ARID1B: variants seen among roughly 807,000 people sequenced by gnomAD.
The protein encoded by ARID1B is AT-rich interactive domain-containing protein 1B.
A neutral mutation model predicts 212.3 loss-of-function variants in ARID1B; 30 were observed. The ratio of observed to expected loss-of-function variants is 0.14; its 90% CI spans 0.11 to 0.19. ARID1B has a LOEUF of 0.19. ARID1B is among the 10% of genes least tolerant of loss of function. The pLI is 1.00. For synonymous variants in ARID1B, 1,402 were observed against 1,301.7 expected (o/e 1.08, Z -1.66); for missense variants, 2,891 against 3,204.0 (o/e 0.90, Z 2.36).
In ARID1B at chr6:156,777,741, G is replaced by C. The variant is rs1583021699; in HGVS notation, c.61G>C (p.Gly21Arg). 3.2e-6 allele frequency: 1 copy of C among 313,380 alleles called. No individual in the cohort carries two copies. The highest frequency in any genetic ancestry group is 1.2e-4 in the South Asian group (1 of 8,096). 19.4% of individuals were successfully genotyped at this position (313,380 alleles called of 1,614,324 possible). ...AAAARARARAGSGERRAPPGP... is the reference protein window; with the variant it reads ...AAAARARARARSGERRAPPGP... ...GGCGGCGCGGGCGCGGGCGCGGGCAGGCAGCGGCGAACGGCGGGCGCCCCC... is the reference window on the plus strand; with the variant it reads ...GGCGGCGCGGGCGCGGGCGCGGGCACGCAGCGGCGAACGGCGGGCGCCCCC... The change falls in exon 1 of 20, where the codon GGC becomes CGC. Residue 21 changes from glycine (G) to arginine (R), a missense_variant. By Grantham distance (125) the Gly-to-Arg change is moderately radical. Coordinates refer to ENST00000636930, the MANE Select transcript of ARID1B (RefSeq NM_001374828.1).
At chr6:156,943,816 C>T (rs1395919284) in intron 4 of ARID1B, 1 of 152,176 alleles carries the variant, frequency 6.6e-6, no homozygotes, top group African/African-American at 2.4e-5. Flanking sequence ...ACCATCGGGT[C>T]ATTGTAAAAA....
At chr6:156,925,185 A>G (rs1791120427) in intron 3 of ARID1B, among the ~76,000 whole-genome samples, 1 of 152,042 alleles carries the variant, frequency 6.6e-6, no homozygotes, top group South Asian at 2.1e-4. Context: ...GTTCCTCTAT[A>G]CTGAAGCCAG....
intron 6 of ARID1B, among the ~76,000 whole-genome samples, chr6:157,117,132 A>C (rs1787374281): frequency 6.6e-6 from 1 of 152,212 alleles, no homozygotes; most frequent in South Asian, 2.1e-4. Context: ...GCCATTACCC[A>C]GCAAAGTGTG....
At chr6:156,895,677 C>T (rs1582894941) in intron 2 of ARID1B, among the ~76,000 whole-genome samples, 1 of 151,998 alleles carries the variant, frequency 6.6e-6, no homozygotes, top group East Asian at 1.9e-4. Context: ...TAGAAAAGTA[C>T]AGAAGCAAAT....
intron 4 of ARID1B, among the ~76,000 whole-genome samples, chr6:156,975,602 A>AT (rs57649427): frequency 0.065 from 5,634 of 86,070 alleles, 125 homozygotes; most frequent in Middle Eastern, 0.13. Flanking sequence ...GTTTGACTGT[A>AT]TTTTTTTTTT....
intron 2 of ARID1B, among the ~76,000 whole-genome samples, chr6:156,873,471 G>A (rs994176484): frequency 2.0e-5 from 3 of 152,142 alleles, no homozygotes; most frequent in Non-Finnish European, 4.4e-5. Flanking sequence ...TGTAAACTTT[G>A]TAAAAATTAG....
At chr6:156,990,780 C>T (rs992293716) in intron 4 of ARID1B, among the ~76,000 whole-genome samples, 2 of 152,202 alleles carry the variant, frequency 1.3e-5, no homozygotes, top group Non-Finnish European at 2.9e-5. Flanking sequence ...GTGTGAGCAG[C>T]TGTGTCAGGC....
At chr6:156,909,467 T>A (rs1439729924) in intron 3 of ARID1B, among the ~76,000 whole-genome samples, 1 of 152,172 alleles carries the variant, frequency 6.6e-6, no homozygotes, top group African/African-American at 2.4e-5. Context: ...CCACATCTTA[T>A]TAAATTAAAT....
At chr6:156,786,645 G>C (rs1779651127) in intron 1 of ARID1B, among the ~76,000 whole-genome samples, 1 of 152,090 alleles carries the variant, frequency 6.6e-6, no homozygotes, top group Admixed American at 6.5e-5. Context: ...ATTTCTTTAA[G>C]GTGTAAACAT....
At chr6:157,051,207 G>A (rs969913997) in intron 4 of ARID1B, among the ~76,000 whole-genome samples, 1 of 152,212 alleles carries the variant, frequency 6.6e-6, no homozygotes, top group African/African-American at 2.4e-5. Flanking sequence ...TGTGATAGAT[G>A]AGGGATGCGC....
In ARID1B at chr6:157,093,271, TAAA is replaced by T. The variant is rs1319776031; in HGVS notation, c.2491+8368_2491+8370del. 7.2e-5 allele frequency among the ~76,000 whole-genome samples: 11 copies of T among 152,352 alleles called. No individual in the cohort carries two copies. The East Asian group carries it at 2.1e-3, about 29-fold the overall frequency. ...ACTTCTGGTATATCACCATGTTTCC[TAAA>T]AGAGAATAAGTAACAATTGTGGAAG... On this transcript the variant is annotated intron_variant, in intron 5 of 19. Coordinates refer to ENST00000636930, the MANE Select transcript of ARID1B (RefSeq NM_001374828.1).
At chr6:156,946,276 G>A (rs1450886631) in intron 4 of ARID1B, among the ~76,000 whole-genome samples, 1 of 152,070 alleles carries the variant, frequency 6.6e-6, no homozygotes, top group Non-Finnish European at 1.5e-5. Flanking sequence ...GGAGGCTGAG[G>A]CAAGAGAATT....
chr6:156,973,455 G>C (rs1777061009), intron 4 of ARID1B, among the ~76,000 whole-genome samples: 1 of 152,036 alleles, frequency 6.6e-6, no homozygotes, highest in Admixed American at 6.6e-5. Context: ...CATTTTAATA[G>C]CATATGTAGG....
At chr6:157,084,478 T>C (rs190357352) in intron 4 of ARID1B, among the ~76,000 whole-genome samples, 184 bp from the exon 5 acceptor site, 1 of 152,300 alleles carries the variant, frequency 6.6e-6, no homozygotes, top group East Asian at 1.9e-4. Context: ...GGCAAGATCT[T>C]ATTGGTTCAA....
At chr6:156,981,267 G>A (rs1777585260) in intron 4 of ARID1B, among the ~76,000 whole-genome samples, 1 of 152,278 alleles carries the variant, frequency 6.6e-6, no homozygotes, top group South Asian at 2.1e-4. Flanking sequence ...GAGCATAGGG[G>A]ATTATTAACC....
At chr6:157,147,131 A>G (rs1265280151) in intron 7 of ARID1B, among the ~76,000 whole-genome samples, 1 of 151,888 alleles carries the variant, frequency 6.6e-6, no homozygotes, top group African/African-American at 2.4e-5. Flanking sequence ...CCTTTGATTT[A>G]CTTGAATCTA....
chr6:157,047,746 G>T (rs1008634892), intron 4 of ARID1B, among the ~76,000 whole-genome samples: 7 of 152,182 alleles, frequency 4.6e-5, no homozygotes, highest in African/African-American at 1.7e-4. Flanking sequence ...GAGTTTGATT[G>T]ACTCCATGTA....
At chr6:157,177,437 C>T (rs1792175819) in intron 11 of ARID1B, among the ~76,000 whole-genome samples, 2 of 152,210 alleles carry the variant, frequency 1.3e-5, no homozygotes, top group Admixed American at 6.5e-5. Flanking sequence ...TAAAATTGCT[C>T]TTAATAGTGT....
At chr6:157,087,803 G>GAAA (rs11390752) in intron 5 of ARID1B, among the ~76,000 whole-genome samples, 2 of 146,290 alleles carry the variant, frequency 1.4e-5, no homozygotes, top group South Asian at 4.3e-4. Context: ...TTTTCTTCTA[G>GAAA]AAAAAAAAAA....
Sources: gnomAD v4.1 joint callset for allele counts (sites outside exome capture counted in the v4.1 genomes callset) on GRCh38, gnomAD v4.1.1 for gene constraint, MANE v1.5 for transcripts, NCBI Gene and HGNC (gene_info 2026-07-23, HGNC 2026-07-21) for gene names.